Variants in CPD observed in about 807,000 individuals in gnomAD.
The protein encoded by CPD is carboxypeptidase D.
Under a neutral mutation model 138.3 loss-of-function variants are expected in CPD, and 69 were observed. That is an observed-to-expected ratio of 0.50 (90% CI 0.41 to 0.61). CPD has a LOEUF of 0.61. Ranked by LOEUF, CPD falls within the 20% of genes least tolerant of loss-of-function variation. The pLI is 0.00. For synonymous variants in CPD, 651 were observed against 642.1 expected (o/e 1.01, Z -0.21); for missense variants, 1,432 against 1,733.3 (o/e 0.83, Z 3.09).
chr17:30,456,651 G>A, intron 17 of CPD, 125 bp downstream of exon 17: 1 of 826,074 alleles, frequency 1.2e-6, no homozygotes, highest in Non-Finnish European at 2.0e-6. Context: ...AGACCAGCCT[G>A]GCCAACATGG....
intron 2 of CPD, among the ~76,000 whole-genome samples, chr17:30,406,814 A>T (rs535640423): frequency 1.4e-4 from 21 of 151,868 alleles, no homozygotes; most frequent in South Asian, 4.2e-4. Context: ...TGTTATTATT[A>T]TTTTTTCTTT....
At chr17:30,445,352 C>G (rs1912997063) in intron 11 of CPD, among the ~76,000 whole-genome samples, 1 of 151,978 alleles carries the variant, frequency 6.6e-6, no homozygotes, top group Admixed American at 6.6e-5. Context: ...GCAATCCCAG[C>G]TACTCAGGAG....
intron 2 of CPD, among the ~76,000 whole-genome samples, chr17:30,402,623 A>C (rs2143357024): frequency 1.3e-5 from 2 of 152,362 alleles, no homozygotes; most frequent in South Asian, 4.1e-4. Flanking sequence ...TGGTTATAAT[A>C]ACTGCTTTAA....
chr17:30,418,134 A>C (rs937925814), intron 2 of CPD, among the ~76,000 whole-genome samples: 1 of 152,116 alleles, frequency 6.6e-6, no homozygotes, highest in African/African-American at 2.4e-5. Context: ...CAACTCCAAA[A>C]TTGAAATTAG....
Position 30,378,957 on chromosome 17 carries a change from C to A in CPD, c.-24C>A, listed in dbSNP as rs893811134. 1.2e-5 allele frequency: 17 copies of A among 1,465,822 alleles called. No homozygotes were observed. The highest frequency in any genetic ancestry group is 1.5e-5 in the Non-Finnish European group (17 of 1,121,964). The allele number at this position is 1,465,822 out of a possible 1,614,324, so 90.8% of individuals were successfully genotyped here. A position where few individuals can be genotyped will look rare whatever the true frequency, so the allele number is the denominator to read the frequency against. ...GAGCGCTGAGCCGCGGGAGCGGAGC[C>A]GGGGTTAGCGGCGCTGCTGGAAGAT... On this transcript the variant is annotated 5_prime_UTR_variant, in exon 1 of 21. Transcript: ENST00000225719.
At chr17:30,388,107 T>G (rs1254369003) in intron 2 of CPD, among the ~76,000 whole-genome samples, 1 of 152,216 alleles carries the variant, frequency 6.6e-6, no homozygotes, top group Non-Finnish European at 1.5e-5. Flanking sequence ...TACCCTCTGG[T>G]TGTCCCATCA....
intron 11 of CPD, among the ~76,000 whole-genome samples, chr17:30,444,770 G>T (rs1912983383): frequency 6.6e-6 from 1 of 151,970 alleles, no homozygotes; most frequent in Non-Finnish European, 1.5e-5. Context: ...GTTACCACAG[G>T]ATATTTTCCC....
intron 19 of CPD, 110 bp from the exon 20 acceptor site, chr17:30,462,260 G>A: frequency 1.9e-6 from 2 of 1,064,710 alleles, no homozygotes; most frequent in Non-Finnish European, 2.8e-6. Context: ...GTATACTTTA[G>A]ATGGCAATGC....
chr17:30,449,506 A>G (rs757862210), intron 12 of CPD, 47 bp from the exon 13 acceptor site: 8 of 1,487,034 alleles, frequency 5.4e-6, no homozygotes, highest in South Asian at 2.6e-5. Context: ...CAACATTAAC[A>G]TAGTGCTTGA....
intron 2 of CPD, among the ~76,000 whole-genome samples, chr17:30,410,796 C>T (rs1269303708): frequency 6.6e-6 from 1 of 152,132 alleles, no homozygotes; most frequent in East Asian, 1.9e-4. Context: ...ACTGATGGGT[C>T]TTGACTCTTT....
intron 5 of CPD, 110 bp downstream of exon 5, chr17:30,423,133 A>G (rs1912312327): frequency 1.3e-6 from 1 of 778,848 alleles, no homozygotes. Flanking sequence ...ACTGGCATTA[A>G]GAAAACCTAA....
At chr17:30,407,681 A>T (rs1331801103) in intron 2 of CPD, among the ~76,000 whole-genome samples, 1 of 151,762 alleles carries the variant, frequency 6.6e-6, no homozygotes, top group African/African-American at 2.4e-5. Flanking sequence ...TTTTCTTGTA[A>T]ATTTGTTTAA....
chr17:30,400,260 T>C (rs1356420621), intron 2 of CPD, among the ~76,000 whole-genome samples: 2 of 152,208 alleles, frequency 1.3e-5, no homozygotes, highest in Non-Finnish European at 2.9e-5. Flanking sequence ...CTCTAGTAAA[T>C]ACAAGTTACT....
At position 30,427,503 on chromosome 17, in the gene CPD, T is replaced by C. The variant is rs374917563; in HGVS notation, c.1962T>C (p.Ala654=). 1.9e-6 allele frequency: 3 copies of C among 1,614,050 alleles called. No individual in the cohort carries two copies. The highest frequency in any genetic ancestry group is 2.5e-6 in the Non-Finnish European group (3 of 1,180,024). Residue 654 remains alanine, a synonymous_variant, in exon 7 of 21, where the codon GCT becomes GCC. Coordinates refer to ENST00000225719, the MANE Select transcript of CPD (RefSeq NM_001304.5). The part of the protein sequence containing the change: ...ITDPTQPETI[A]VMSWMKSYPF... ...ATCCTACGCAACCAGAAACTATTGC[T>C]GTAATGAGCTGGATGAAGTCCTATC...
Position 30,422,769 on chromosome 17 carries a change from C to G in CPD, c.1403C>G (p.Pro468Arg), listed in dbSNP as rs763328242. 5.0e-6 allele frequency: 8 copies of G among 1,614,072 alleles called. No homozygotes were observed. In the East Asian group the frequency reaches 1.3e-4, roughly 27 times the overall value. Residue 468 changes from proline (P) to arginine (R), a missense_variant, in exon 5 of 21, where the codon CCT becomes CGT. By Grantham distance (103) the Pro-to-Arg change is moderately radical. Transcript: ENST00000225719. The part of the protein sequence containing the change: ...SLRPTVTSVI[P>R]DTTEAVSTAS... ...AGGCCAACTGTAACTTCAGTAATCC[C>G]TGACACGACAGAGGCTGTATCAACT...
chr17:30,421,001 G>A lies in CPD; in HGVS notation c.1137+18G>A. 6.2e-7 allele frequency: 1 copy of A among 1,610,660 alleles called. No individual in the cohort carries two copies. The highest frequency in any genetic ancestry group is 8.5e-7 in the Non-Finnish European group (1 of 1,177,854). On this transcript the variant is annotated intron_variant, in intron 3 of 20. Coordinates refer to ENST00000225719, the MANE Select transcript of CPD (RefSeq NM_001304.5). Reference sequence around the variant, plus strand: ...TTGAAAAGGTAAAAGTAGATGACTGGAATGTTGGGGTATAGAAACAGGATT... The same window carrying A: ...TTGAAAAGGTAAAAGTAGATGACTGAAATGTTGGGGTATAGAAACAGGATT...
intron 17 of CPD, 54 bp from the exon 18 acceptor site, chr17:30,461,126 T>C: frequency 7.1e-7 from 1 of 1,415,924 alleles, no homozygotes; most frequent in Non-Finnish European, 9.5e-7. Flanking sequence ...AAAGCCTTAT[T>C]CTTTCTTTTA....
intron 17 of CPD, chr17:30,457,009 T>A (rs1444133300): frequency 6.4e-6 from 1 of 157,184 alleles, no homozygotes; most frequent in African/African-American, 2.4e-5. Context: ...TTTGGCCATT[T>A]TAACCATTTT....
rs145816080 is a variant in CPD, at chr17:30,421,164, C to G, written c.1137+181C>G. On this transcript the variant is annotated intron_variant, in intron 3 of 20. Transcript: ENST00000225719. ...TAATCTATTAAAACATATTCTAGCT[C>G]TGCTTCCCCTGCCCCTTACCCCCAG... is the stretch of plus-strand genomic sequence containing the variant. Among the ~76,000 whole-genome samples, 386 of 152,232 alleles carry G rather than the reference C, an allele frequency of 2.5e-3. 1 individual carries two copies. Among genetic ancestry groups the G allele is most frequent in the African/African-American group, 9.1e-3 (377 of 41,528 alleles).
Sources: gnomAD v4.1 joint callset for allele counts (sites outside exome capture counted in the v4.1 genomes callset) on GRCh38, gnomAD v4.1.1 for gene constraint, MANE v1.5 for transcripts, NCBI Gene and HGNC (gene_info 2026-07-23, HGNC 2026-07-21) for gene names.